The following TPD52 variants were observed in gnomAD, a reference collection of about 807,000 sequenced individuals.
The protein encoded by TPD52 is tumor protein D52, also known as prostate and colon associated protein.
A neutral mutation model predicts 31.3 loss-of-function variants in TPD52; 17 were observed. The ratio of observed to expected loss-of-function variants is 0.54; its 90% CI spans 0.37 to 0.82. TPD52 has a LOEUF of 0.82. Ranked by LOEUF, TPD52 falls within the 40% of genes least tolerant of loss-of-function variation. TPD52 has a pLI of 0.00. For missense variants in TPD52, 212 were observed against 240.1 expected (o/e 0.88, Z 0.77); for synonymous variants, 83 against 89.6 (o/e 0.93, Z 0.42).
intron 1 of TPD52, among the ~76,000 whole-genome samples, chr8:80,126,886 T>C (rs78583057): frequency 0.029 from 4,381 of 151,486 alleles, 202 homozygotes; most frequent in African/African-American, 0.099. Flanking sequence ...TACTTGGAGG[T>C]TGAGGTGGGA....
rs1160863776 is a variant in TPD52, at chr8:80,171,472, G to A, written c.-29C>T. On this transcript the variant is annotated 5_prime_UTR_variant, in exon 1 of 8. Coordinates refer to ENST00000518937, the MANE Select transcript of TPD52 (RefSeq NM_001025253.3). ...TCCAGCCCGCCGCCTCGTGTCCTCT[G>A]CAGCACCCCCGCCTGCAGCCCGTCC... is the stretch of plus-strand genomic sequence containing the variant. The A allele has an allele frequency of 6.4e-7, 1 of 1,568,116 alleles. No individual in the cohort carries two copies. The highest frequency in any genetic ancestry group is 8.6e-7 in the Non-Finnish European group (1 of 1,168,304).
At chr8:80,120,132 T>C (rs986142149) in intron 1 of TPD52, among the ~76,000 whole-genome samples, 4 of 152,038 alleles carry the variant, frequency 2.6e-5, no homozygotes, top group Non-Finnish European at 5.9e-5. Flanking sequence ...ACCATGTATA[T>C]ATATAAGGAT....
intron 1 of TPD52, among the ~76,000 whole-genome samples, chr8:80,074,851 G>A (rs1814333401): frequency 6.6e-6 from 1 of 152,170 alleles, no homozygotes; most frequent in Non-Finnish European, 1.5e-5. Flanking sequence ...AAACCTTAGG[G>A]GGAAAACGAG....
At chr8:80,083,907 G>A (rs560173469) in intron 1 of TPD52, among the ~76,000 whole-genome samples, 1 of 152,242 alleles carries the variant, frequency 6.6e-6, no homozygotes, top group South Asian at 2.1e-4. Flanking sequence ...TCCTCACAAT[G>A]TTCTTACCTC....
chr8:80,070,416 TG>T (rs757909779), intron 1 of TPD52, among the ~76,000 whole-genome samples: 6 of 152,206 alleles, frequency 3.9e-5, no homozygotes, highest in Non-Finnish European at 8.8e-5. Context: ...ACTGGTTTCA[TG>T]GAAGACAATT....
chr8:80,118,356 G>A (rs191802837), intron 1 of TPD52, among the ~76,000 whole-genome samples: 8 of 152,276 alleles, frequency 5.3e-5, no homozygotes, highest in Admixed American at 3.3e-4. Context: ...GGAAAACACA[G>A]ATATAACTCT....
chr8:80,119,914 C>G (rs1327312664), intron 1 of TPD52: 1 of 365,038 alleles, frequency 2.7e-6, no homozygotes, highest in South Asian at 2.1e-5. Context: ...AAAATATACA[C>G]AATTAAAATG....
intron 2 of TPD52, among the ~76,000 whole-genome samples, chr8:80,060,607 G>T (rs1200892564): frequency 6.7e-6 from 1 of 149,594 alleles, no homozygotes; most frequent in Non-Finnish European, 1.5e-5. Context: ...ATATTAAAAG[G>T]ATTATAAAAC....
At chr8:80,107,822 T>C (rs1807239927) in intron 1 of TPD52, among the ~76,000 whole-genome samples, 1 of 152,100 alleles carries the variant, frequency 6.6e-6, no homozygotes, top group African/African-American at 2.4e-5. Flanking sequence ...AAATTGTCGG[T>C]AAAATAAAAT....
At chr8:80,034,322 C>T (rs1012110021), downstream of TPD52, among the ~76,000 whole-genome samples, 1 of 151,910 alleles carries the variant, frequency 6.6e-6, no homozygotes, top group African/African-American at 2.4e-5. Flanking sequence ...TGCAGCTGCA[C>T]CCAGGAGCAC....
At position 80,137,509 on chromosome 8, in the gene TPD52, G is replaced by A. The variant is rs114879000; in HGVS notation, c.19+33916C>T. On this transcript the variant is annotated intron_variant, in intron 1 of 7. Coordinates refer to ENST00000518937, the MANE Select transcript of TPD52 (RefSeq NM_001025253.3). ...ACATGTTCCCATTTGAACTTTTAAAGTGATTGTATACATTACCTGCCTAGA... is the reference window on the plus strand; with the variant it reads ...ACATGTTCCCATTTGAACTTTTAAAATGATTGTATACATTACCTGCCTAGA... 3.9e-3 allele frequency among the ~76,000 whole-genome samples: 588 copies of A among 152,180 alleles called. 3 individuals carry two copies. The highest frequency in any genetic ancestry group is 0.013 in the African/African-American group (527 of 41,502).
chr8:80,080,565 C>A, intron 1 of TPD52: 1 of 1,457,618 alleles, frequency 6.9e-7, no homozygotes, highest in Admixed American at 2.4e-5. Flanking sequence ...AAGAAATCAA[C>A]CCCAGGAGTT....
Position 80,036,961 on chromosome 8 carries a change from A to G in TPD52, c.*1155T>C, listed in dbSNP as rs955937967. On this transcript the variant is annotated 3_prime_UTR_variant, in exon 8 of 8. Transcript: ENST00000518937. ...AATAGAATACCTTGGCCTCTATGCA[A>G]ATATGTCTAGACACTTTGATTCACT... is the stretch of plus-strand genomic sequence containing the variant. 3 of 152,454 alleles carry G rather than the reference A, an allele frequency of 2.0e-5. No homozygotes were observed. Among genetic ancestry groups the G allele is most frequent in the Non-Finnish European group, 4.4e-5 (3 of 68,022 alleles). The allele number at this position is 152,454 out of a possible 1,614,324, so 9.4% of individuals were successfully genotyped here. A position where few individuals can be genotyped will look rare whatever the true frequency, so the allele number is the denominator to read the frequency against.
chr8:80,069,888 C>T (rs576735144), intron 1 of TPD52, among the ~76,000 whole-genome samples: 31 of 152,204 alleles, frequency 2.0e-4, no homozygotes, highest in East Asian at 1.5e-3. Context: ...GGCCAAGAAC[C>T]GGTAAGAGCT....
intron 3 of TPD52, among the ~76,000 whole-genome samples, chr8:80,052,041 A>G (rs1418960322): frequency 6.6e-6 from 1 of 152,246 alleles, no homozygotes; most frequent in Non-Finnish European, 1.5e-5. Context: ...TTGATTTCCT[A>G]AAAAAGGGCC....
At position 80,131,048 on chromosome 8, in the gene TPD52, G is replaced by A. The variant is rs188944120; in HGVS notation, c.19+40377C>T. 2.6e-3 allele frequency among the ~76,000 whole-genome samples: 394 copies of A among 152,266 alleles called. 2 individuals carry two copies. The highest frequency in any genetic ancestry group is 9.0e-3 in the African/African-American group (372 of 41,548). ...CCGTAAATTGTTAAAATGTGGGTGG[G>A]GTGAGGGGTAGAGGTTTAGCTTCAG... On this transcript the variant is annotated intron_variant, in intron 1 of 7. Transcript: ENST00000518937.
chr8:80,094,430 TTATATATATATATATA>T (rs61266725), intron 1 of TPD52, among the ~76,000 whole-genome samples: 1,129 of 53,676 alleles, frequency 0.021, 28 homozygotes, highest in African/African-American at 0.041. Flanking sequence ...AAAGAAAATT[TTATATATATATATATA>T]TATATATATA....
chr8:80,110,425 T>C (rs777752395), intron 1 of TPD52, among the ~76,000 whole-genome samples: 10 of 152,114 alleles, frequency 6.6e-5, no homozygotes, highest in Admixed American at 1.3e-4. Flanking sequence ...AGTTCCACAC[T>C]AAGACAAAGA....
At chr8:80,139,674 C>T (rs553316110) in intron 1 of TPD52, among the ~76,000 whole-genome samples, 3 of 152,162 alleles carry the variant, frequency 2.0e-5, no homozygotes, top group Non-Finnish European at 2.9e-5. Context: ...ATTTGGATAG[C>T]GCCTCCCAAT....
Sources: gnomAD v4.1 joint callset for allele counts (sites outside exome capture counted in the v4.1 genomes callset) on GRCh38, gnomAD v4.1.1 for gene constraint, MANE v1.5 for transcripts, NCBI Gene and HGNC (gene_info 2026-07-23, HGNC 2026-07-21) for gene names.